The following VPS13B variants were observed in gnomAD, a reference collection of about 807,000 sequenced individuals.
The protein encoded by VPS13B is vacuolar protein sorting 13 homolog B.
VPS13B carries 285 observed loss-of-function variants against 426.4 expected under a neutral mutation model. The ratio of observed to expected loss-of-function variants is 0.67; its 90% CI spans 0.61 to 0.74. The LOEUF (loss-of-function observed/expected upper bound fraction) is 0.74, where lower values mean the gene tolerates loss of function less well. Ranked by LOEUF, VPS13B falls within the 30% of genes least tolerant of loss-of-function variation. The pLI, the probability that VPS13B is intolerant of heterozygous loss-of-function variation, is 0.00. For missense variants in VPS13B, 4,537 were observed against 4,782.6 expected (o/e 0.95, Z 1.51); for synonymous variants, 1,676 against 1,676.4 (o/e 1.00, Z 0.01).
intron 3 of VPS13B, among the ~76,000 whole-genome samples, chr8:99,053,854 C>T (rs1181503863): frequency 6.6e-6 from 1 of 152,042 alleles, no homozygotes; most frequent in Non-Finnish European, 1.5e-5. Flanking sequence ...AGGCGACTAC[C>T]ACCACCCCCG....
At chr8:99,687,778 C>A (rs567274576) in intron 35 of VPS13B, among the ~76,000 whole-genome samples, 1 of 152,154 alleles carries the variant, frequency 6.6e-6, no homozygotes, top group South Asian at 2.1e-4. Context: ...TTCAGTGATA[C>A]AAAGTTAAAA....
intron 25 of VPS13B, among the ~76,000 whole-genome samples, chr8:99,497,871 T>G (rs888911529): frequency 6.6e-5 from 10 of 152,164 alleles, no homozygotes; most frequent in African/African-American, 2.4e-4. Flanking sequence ...TCATTTCATA[T>G]TTTTCCTTAA....
intron 3 of VPS13B, among the ~76,000 whole-genome samples, chr8:99,086,694 G>A (rs1307369280): frequency 6.6e-6 from 1 of 152,206 alleles, no homozygotes; most frequent in African/African-American, 2.4e-5. Context: ...ACCCTCAGCT[G>A]CAGGTCTGTT....
chr8:99,582,062 C>T (rs1416438395), intron 33 of VPS13B, among the ~76,000 whole-genome samples: 2 of 152,160 alleles, frequency 1.3e-5, no homozygotes, highest in African/African-American at 4.8e-5. Context: ...ACTCCCAAAA[C>T]AGAGCTCCAC....
chr8:99,121,394 T>C lies in VPS13B; in HGVS notation c.1155T>C (p.Asp385=). The C allele has an allele frequency of 6.2e-7, 1 of 1,614,222 alleles. No homozygotes were observed. The highest frequency in any genetic ancestry group is 1.3e-5 in the African/African-American group (1 of 75,068). Residue 385 remains aspartate (D), a synonymous_variant, in exon 8 of 62, where the codon GAT becomes GAC. Coordinates refer to ENST00000357162, the MANE Select transcript of VPS13B (RefSeq NM_152564.5). ...AACAAAAAGCACAGACTTTGAAGGA[T>C]CCTATTGTTTCTATAGGATTTTATT... ...MHQQKAQTLK[D]PIVSIGFYCT... is the part of the protein sequence containing the mutation.
chr8:99,837,073 T>C (rs1382662920), intron 54 of VPS13B, among the ~76,000 whole-genome samples: 1 of 152,192 alleles, frequency 6.6e-6, no homozygotes, highest in Non-Finnish European at 1.5e-5. Context: ...TTTTCTCATC[T>C]CTCAAGATTT....
intron 17 of VPS13B, among the ~76,000 whole-genome samples, chr8:99,273,899 T>C (rs1818747753): frequency 6.6e-6 from 1 of 152,228 alleles, no homozygotes; most frequent in Non-Finnish European, 1.5e-5. Context: ...TAAAACCAAA[T>C]ATGATTTTTA....
At chr8:99,831,126 G>A (rs572681285) in intron 51 of VPS13B, among the ~76,000 whole-genome samples, 1 of 135,698 alleles carries the variant, frequency 7.4e-6, no homozygotes, top group African/African-American at 2.7e-5. Flanking sequence ...AGGGTGGAGT[G>A]TAATGGCATG....
intron 33 of VPS13B, among the ~76,000 whole-genome samples, chr8:99,641,522 A>G (rs1308705933): frequency 6.6e-6 from 1 of 152,214 alleles, no homozygotes; most frequent in Non-Finnish European, 1.5e-5. Context: ...TAAAAGATAT[A>G]TGCTATTCTG....
chr8:99,198,201 C>G (rs1333790433), intron 17 of VPS13B, among the ~76,000 whole-genome samples: 1 of 152,062 alleles, frequency 6.6e-6, no homozygotes, highest in Non-Finnish European at 1.5e-5. Context: ...TATAAGTTAA[C>G]TCTACAGTAA....
intron 19 of VPS13B, among the ~76,000 whole-genome samples, chr8:99,382,085 C>T (rs779409371): frequency 6.6e-6 from 1 of 152,014 alleles, no homozygotes; most frequent in Admixed American, 6.6e-5. Context: ...GTAGGGAATC[C>T]TTTTCCCCAT....
chr8:99,297,243 G>C (rs1820089763), intron 19 of VPS13B, among the ~76,000 whole-genome samples: 1 of 151,936 alleles, frequency 6.6e-6, no homozygotes, highest in Non-Finnish European at 1.5e-5. Context: ...TTTGAAATTG[G>C]CTATTGTTTC....
At chr8:99,082,470 C>G (rs370849181) in intron 3 of VPS13B, among the ~76,000 whole-genome samples, 35 of 152,200 alleles carry the variant, frequency 2.3e-4, no homozygotes, top group Middle Eastern at 3.4e-3. Context: ...AGTTTAATTA[C>G]ATCCCATTTG....
At chr8:99,812,635 C>A (rs1444153576) in intron 44 of VPS13B, among the ~76,000 whole-genome samples, 1 of 152,192 alleles carries the variant, frequency 6.6e-6, no homozygotes, top group African/African-American at 2.4e-5. Flanking sequence ...TTTGTGGGAA[C>A]TTTGTATGTT....
At chr8:99,562,292 C>CT (rs1249334746) in intron 31 of VPS13B, among the ~76,000 whole-genome samples, 1 of 150,602 alleles carries the variant, frequency 6.6e-6, no homozygotes, top group Non-Finnish European at 1.5e-5. Context: ...CCACCCCACG[C>CT]TTTTTTGAGA....
chr8:99,156,202 GA>G (rs1811350869), intron 14 of VPS13B, among the ~76,000 whole-genome samples: 1 of 152,080 alleles, frequency 6.6e-6, no homozygotes, highest in South Asian at 2.1e-4. Flanking sequence ...CTGACTCTTG[GA>G]TATCTAGGAA....
intron 36 of VPS13B, among the ~76,000 whole-genome samples, chr8:99,703,155 A>G (rs1400851624): frequency 6.6e-6 from 1 of 152,186 alleles, no homozygotes; most frequent in African/African-American, 2.4e-5. Flanking sequence ...CTAAATATTT[A>G]TAAATTATTG....
intron 15 of VPS13B, among the ~76,000 whole-genome samples, chr8:99,160,668 A>G: frequency 6.6e-6 from 1 of 151,850 alleles, no homozygotes; most frequent in Admixed American, 6.6e-5. Context: ...AAAAAAAAAA[A>G]AAAAGGTACT....
At chr8:99,267,907 A>G (rs1486750091) in intron 17 of VPS13B, among the ~76,000 whole-genome samples, 1 of 151,994 alleles carries the variant, frequency 6.6e-6, no homozygotes, top group Non-Finnish European at 1.5e-5. Context: ...CAGGAGGTCT[A>G]GGAGGGAAAA....
Sources: allele counts gnomAD v4.1 joint callset (sites outside exome capture counted in the v4.1 genomes callset), GRCh38; gene constraint gnomAD v4.1.1; transcripts MANE v1.5; gene names NCBI Gene and HGNC (gene_info 2026-07-23, HGNC 2026-07-21).